WDR6: variants seen among roughly 807,000 people sequenced by gnomAD.
The protein encoded by WDR6 is tRNA (34-2'-O)-methyltransferase regulator WDR6.
In WDR6, 58 loss-of-function variants were observed where a neutral mutation model predicts 85.6. That is an observed-to-expected ratio of 0.68 (90% CI 0.55 to 0.84). WDR6 has a LOEUF of 0.84. WDR6 is among the 40% of genes least tolerant of loss of function. The probability of loss-of-function intolerance (pLI) is 0.00; values close to 1 mark genes in which losing one functional copy is unlikely to be tolerated. For synonymous variants in WDR6, 569 were observed against 582.2 expected, an observed-to-expected ratio of 0.98 and a Z score of 0.33; for missense variants, 1,310 against 1,476.4, an observed-to-expected ratio of 0.89 and a Z score of 1.85.
rs1481101583 is a variant in WDR6 at position 49,014,408 on chromosome 3, C to A, written c.2692C>A (p.Arg898=). ...GCTCTTTCTTTTGCAGGATTCTGGG[C>A]GGATTCTGCAGCTCCTTGCTGAAAC... ...VRLFLLQDSG[R]ILQLLAETFH... Residue 898 remains arginine (R), a synonymous_variant, in exon 4 of 6, where the codon CGG becomes AGG. Coordinates refer to ENST00000608424, the MANE Select transcript of WDR6 (RefSeq NM_018031.6). This position sits in a 1 kb window ranked among gnomAD's most constrained non-coding sequence, Gnocchi z 4.9. 8 of 1,614,084 alleles carry A rather than the reference C, an allele frequency of 5.0e-6. No individual in the cohort carries two copies. The highest frequency in any genetic ancestry group is 5.9e-6 in the Non-Finnish European group (7 of 1,180,010).
rs2106678607 is a variant in WDR6, at chr3:49,007,562, A to G, written c.100+31A>G. On this transcript the variant is annotated intron_variant, in intron 1 of 5. Coordinates refer to ENST00000608424, the MANE Select transcript of WDR6 (RefSeq NM_018031.6). This position sits in a 1 kb window ranked among gnomAD's most constrained non-coding sequence, Gnocchi z 5.1. The stretch of plus-strand genomic sequence containing the variant: ...GCTTGGCTTGAGGCACGCCTGGTGG[A>G]AAGGGGGAAAGAAACAGCGCCTCCC... 1.3e-6 allele frequency: 2 copies of G among 1,561,420 alleles called. No individual in the cohort carries two copies. The highest frequency in any genetic ancestry group is 1.7e-6 in the Non-Finnish European group (2 of 1,145,658).
chr3:49,013,660 G>C lies in WDR6; in HGVS notation c.2126G>C (p.Arg709Pro), dbSNP rs768587106. ...GGCCGTGAGATCACTTGTGTAAAGC[G>C]TGTGGGCACCATTACCCTGGGGCCT... ...LHGREITCVK[R>P]VGTITLGPEY... The change falls in exon 2 of 6, where the codon CGT becomes CCT. Residue 709 changes from arginine (R) to proline (P), a missense_variant. By Grantham distance (103) the Arg-to-Pro change is moderately radical. Transcript: ENST00000608424. The surrounding 1 kb of genome is among the most constrained non-coding windows in gnomAD (Gnocchi z 4.6). The C allele has an allele frequency of 6.2e-7, 1 of 1,614,108 alleles. No individual in the cohort carries two copies. Among genetic ancestry groups the C allele is most frequent in the Non-Finnish European group, 8.5e-7 (1 of 1,180,000 alleles).
Position 49,012,285 on chromosome 3 carries a change from ATTGGGCACTGCT to A in WDR6, c.760_771del (p.Cys254_His257del). ...AGTGCCTGGGGGTCGGGTGCAGAAT[ATTGGGCACTGCT>A]TTGGGCACAGCGCCCGTGTGTGGCA... is the stretch of plus-strand genomic sequence containing the variant. On this transcript the variant is annotated inframe_deletion, in exon 2 of 6. Transcript: ENST00000608424. This position sits in a 1 kb window ranked among gnomAD's most constrained non-coding sequence, Gnocchi z 4.4. 1 of 1,614,252 alleles carries A rather than the reference ATTGGGCACTGCT, an allele frequency of 6.2e-7. No individual in the cohort carries two copies. Among genetic ancestry groups the A allele is most frequent in the South Asian group, 1.1e-5 (1 of 91,086 alleles).
chr3:49,013,261 C>T lies in WDR6; in HGVS notation c.1727C>T (p.Thr576Ile). The T allele has an allele frequency of 1.9e-6, 3 of 1,614,118 alleles. No homozygotes were observed. Among genetic ancestry groups the T allele is most frequent in the Non-Finnish European group, 2.5e-6 (3 of 1,180,020 alleles). ...LHGKQGVTSV[T>I]CHGGYVYTTG... is the part of the protein sequence containing the mutation. Reference sequence around the variant, plus strand: ...GGGAAGCAGGGTGTGACCTCAGTCACATGCCATGGTGGCTATGTGTATACC... The same window carrying T: ...GGGAAGCAGGGTGTGACCTCAGTCATATGCCATGGTGGCTATGTGTATACC... Residue 576 changes from threonine (T) to isoleucine (I), a missense_variant, in exon 2 of 6, where the codon ACA (threonine) becomes ATA (isoleucine). Thr to Ile is a moderately conservative substitution (Grantham distance 89, BLOSUM62 -1). Transcript: ENST00000608424. This position sits in a 1 kb window ranked among gnomAD's most constrained non-coding sequence, Gnocchi z 4.6.
intron 1 of WDR6, among the ~76,000 whole-genome samples, chr3:49,009,790 C>G (rs1335054759): frequency 6.6e-6 from 1 of 150,738 alleles, no homozygotes; most frequent in Admixed American, 6.6e-5. Flanking sequence ...TGCAGTGGTG[C>G]AATCTCAGGT....
In WDR6 at chr3:49,010,754, G is replaced by A. The variant is rs372915232; in HGVS notation, c.101-881G>A. Reference sequence around the variant, plus strand: ...AGTCCCAGCTACTCGGGAGGCTGAGGCAGGAGAATGGCCTGAACCCGGGAG... The same window carrying A: ...AGTCCCAGCTACTCGGGAGGCTGAGACAGGAGAATGGCCTGAACCCGGGAG... On this transcript the variant is annotated intron_variant, in intron 1 of 5. Coordinates refer to ENST00000608424, the MANE Select transcript of WDR6 (RefSeq NM_018031.6). 1.3e-3 allele frequency among the ~76,000 whole-genome samples: 203 copies of A among 152,132 alleles called. 5 individuals are homozygous for A. The East Asian group carries it at 0.032, about 24-fold the overall frequency.
rs2093060767 is a variant in WDR6 at position 49,015,938 on chromosome 3, T to C, written c.*650T>C. On this transcript the variant is annotated 3_prime_UTR_variant, in exon 6 of 6. Coordinates refer to ENST00000608424, the MANE Select transcript of WDR6 (RefSeq NM_018031.6). ...TTGTGCCCCAGGCCAGAATAAAGAA[T>C]AGAGTGTAGAGTGTCCTGGTTGTCT... 6.2e-7 allele frequency: 1 copy of C among 1,614,154 alleles called. No homozygotes were observed. The highest frequency in any genetic ancestry group is 8.5e-7 in the Non-Finnish European group (1 of 1,180,020).
rs779796208 is a variant in WDR6 at position 49,013,954 on chromosome 3, G to C, written c.2420G>C (p.Gly807Ala). The C allele has an allele frequency of 9.9e-6, 16 of 1,612,498 alleles. No homozygotes were observed. Among genetic ancestry groups the C allele is most frequent in the Non-Finnish European group, 1.3e-5 (15 of 1,179,994 alleles). ...GLTAHVVSAGGRAEMHCFSIM... is the reference protein window; with the variant it reads ...GLTAHVVSAGARAEMHCFSIM... ...ACTGCCCATGTGGTGTCTGCGGGGG[G>C]GCGGGCTGAGATGCACTGCTTCAGC... Residue 807 changes from glycine (G) to alanine (A), a missense_variant, in exon 2 of 6, where the codon GGG (glycine) becomes GCG (alanine). By Grantham distance (60) the Gly-to-Ala change is moderately conservative. Transcript: ENST00000608424. The surrounding 1 kb of genome is among the most constrained non-coding windows in gnomAD (Gnocchi z 4.6).
At chr3:49,011,483 A>AC in intron 1 of WDR6, 152 bp from the exon 2 acceptor site, 4 of 1,604,964 alleles carry the variant, frequency 2.5e-6, no homozygotes, top group Non-Finnish European at 3.4e-6. Context: ...CCCGGCCGAG[A>AC]CCAAGGATTT....
At position 49,015,894 on chromosome 3, in the gene WDR6, C is replaced by T. The variant is rs2093058928; in HGVS notation, c.*606C>T. On this transcript the variant is annotated 3_prime_UTR_variant, in exon 6 of 6. Coordinates refer to ENST00000608424, the MANE Select transcript of WDR6 (RefSeq NM_018031.6). ...ATATCTAGAGACAGAGACTGAGTCA[C>T]TGGCCCATCTCTTTGCTCTTGTGCC... 5 of 1,614,106 alleles carry T rather than the reference C, an allele frequency of 3.1e-6. No individual in the cohort carries two copies. The highest frequency in any genetic ancestry group is 2.7e-5 in the African/African-American group (2 of 74,930).
In WDR6 at chr3:49,015,313, TG is replaced by T; in HGVS notation, c.*28del. 6.2e-7 allele frequency: 1 copy of T among 1,600,020 alleles called. No individual in the cohort carries two copies. On this transcript the variant is annotated 3_prime_UTR_variant, in exon 6 of 6. Coordinates refer to ENST00000608424, the MANE Select transcript of WDR6 (RefSeq NM_018031.6). ...AGGTATCCTGCGGTGGCTGGCGTGC[TG>T]GGCATGGGGCCTGCTCACAGACAGC...
Position 49,007,554 on chromosome 3 carries a change from C to A in WDR6, c.100+23C>A. 6.4e-7 allele frequency: 1 copy of A among 1,569,814 alleles called. No individual in the cohort carries two copies. Among genetic ancestry groups the A allele is most frequent in the Non-Finnish European group, 8.7e-7 (1 of 1,149,536 alleles). ...CGGGTGAGGCTTGGCTTGAGGCACGCCTGGTGGAAAGGGGGAAAGAAACAG... is the reference window on the plus strand; with the variant it reads ...CGGGTGAGGCTTGGCTTGAGGCACGACTGGTGGAAAGGGGGAAAGAAACAG... On this transcript the variant is annotated intron_variant, in intron 1 of 5. Transcript: ENST00000608424. This position sits in a 1 kb window ranked among gnomAD's most constrained non-coding sequence, Gnocchi z 5.1.
Position 49,012,132 on chromosome 3 carries a change from G to T in WDR6, c.598G>T (p.Ala200Ser), listed in dbSNP as rs1292624427. The part of the protein sequence containing the change: ...ATALADNKPV[A>S]PDRRISGHVG... Reference sequence around the variant, plus strand: ...TGCCTTAGCAGACAACAAACCTGTAGCACCTGACCGACGAATCAGTGGGCA... The same window carrying T: ...TGCCTTAGCAGACAACAAACCTGTATCACCTGACCGACGAATCAGTGGGCA... Residue 200 changes from alanine (A) to serine (S), a missense_variant, in exon 2 of 6, where the codon GCA becomes TCA. By Grantham distance (99) the Ala-to-Ser change is moderately conservative. Transcript: ENST00000608424. This position sits in a 1 kb window ranked among gnomAD's most constrained non-coding sequence, Gnocchi z 4.4. 1 of 1,614,032 alleles carries T rather than the reference G, an allele frequency of 6.2e-7. No homozygotes were observed. Among genetic ancestry groups the T allele is most frequent in the African/African-American group, 1.3e-5 (1 of 74,930 alleles).
In WDR6 at chr3:49,007,575, A is replaced by T; in HGVS notation, c.100+44A>T. 6.4e-7 allele frequency: 1 copy of T among 1,552,246 alleles called. No homozygotes were observed. On this transcript the variant is annotated intron_variant, in intron 1 of 5. Transcript: ENST00000608424. This position sits in a 1 kb window ranked among gnomAD's most constrained non-coding sequence, Gnocchi z 5.1. ...CACGCCTGGTGGAAAGGGGGAAAGA[A>T]ACAGCGCCTCCCAGGGGCGGTGCCA...
chr3:49,010,021 C>T (rs996183596), intron 1 of WDR6, among the ~76,000 whole-genome samples: 1 of 151,636 alleles, frequency 6.6e-6, no homozygotes, highest in Non-Finnish European at 1.5e-5. Flanking sequence ...TGTGCCAGGC[C>T]CCATCTCTAT....
chr3:49,014,142 T>C lies in WDR6; in HGVS notation c.2582+26T>C, dbSNP rs1345770197. 3 of 1,613,510 alleles carry C rather than the reference T, an allele frequency of 1.9e-6. No homozygotes were observed. Among genetic ancestry groups the C allele is most frequent in the Admixed American group, 1.7e-5 (1 of 59,978 alleles). ...GTAATATATGCTCCTGGGCAGGGTG[T>C]GGTATGGGTCATGCAGATGCTCCCA... On this transcript the variant is annotated intron_variant, in intron 2 of 5. Coordinates refer to ENST00000608424, the MANE Select transcript of WDR6 (RefSeq NM_018031.6). This position sits in a 1 kb window ranked among gnomAD's most constrained non-coding sequence, Gnocchi z 4.9.
intron 1 of WDR6, chr3:49,008,177 G>GT: frequency 6.6e-6 from 1 of 152,588 alleles, no homozygotes; most frequent in South Asian, 2.0e-4. Context: ...TCCTGAGATG[G>GT]TTGAGGTCCA....
chr3:49,015,257 A>G lies in WDR6; in HGVS notation c.3335A>G (p.Gln1112Arg), dbSNP rs551713774. The G allele has an allele frequency of 6.2e-7, 1 of 1,612,128 alleles. No homozygotes were observed. Among genetic ancestry groups the G allele is most frequent in the South Asian group, 1.1e-5 (1 of 91,082 alleles). ...EFGHRCALGGQGLEVYNWYD is the reference protein window; with the variant it reads ...EFGHRCALGGRGLEVYNWYD Reference sequence around the variant, plus strand: ...GGCCACCGTTGTGCCCTTGGGGGTCAGGGGCTTGAGGTTTACAACTGGTAT... The same window carrying G: ...GGCCACCGTTGTGCCCTTGGGGGTCGGGGGCTTGAGGTTTACAACTGGTAT... The change falls in exon 6 of 6, where the codon CAG becomes CGG. Residue 1112 changes from glutamine (Q) to arginine (R), a missense_variant. Coordinates refer to ENST00000608424, the MANE Select transcript of WDR6 (RefSeq NM_018031.6).
rs779475331 is a variant in WDR6, at chr3:49,011,783, G to C, written c.249G>C (p.Met83Ile). ...ATGGAGACCTTGACTTGGAGGCCAT[G>C]GTGGCTGTGTTTGGAAGCAAGGGAC... Reference protein sequence around the residue: ...EPNGDLDLEAMVAVFGSKGLR... With the variant: ...EPNGDLDLEAIVAVFGSKGLR... Residue 83 changes from methionine (M) to isoleucine (I), a missense_variant, in exon 2 of 6, where the codon ATG (methionine) becomes ATC (isoleucine). Met to Ile is a conservative substitution (Grantham distance 10, BLOSUM62 1). Transcript: ENST00000608424. The C allele has an allele frequency of 6.2e-7, 1 of 1,614,236 alleles. No homozygotes were observed. The highest frequency in any genetic ancestry group is 8.5e-7 in the Non-Finnish European group (1 of 1,180,044).
Sources: gnomAD v4.1 joint callset for allele counts (sites outside exome capture counted in the v4.1 genomes callset) on GRCh38, gnomAD v4.1.1 for gene constraint, Gnocchi (gnomAD v3.1) non-coding constraint, MANE v1.5 for transcripts, NCBI Gene and HGNC (gene_info 2026-07-23, HGNC 2026-07-21) for gene names.